The following CNTLN variants were observed in gnomAD, a reference collection of about 807,000 sequenced individuals.
CNTLN encodes the protein centlein.
In CNTLN, 212 loss-of-function variants were observed where a neutral mutation model predicts 180.0. The ratio of observed to expected loss-of-function variants is 1.18; its 90% CI spans 1.05 to 1.32. The LOEUF (loss-of-function observed/expected upper bound fraction) is 1.32. Ranked by LOEUF, CNTLN falls within the 40% of genes most tolerant of loss-of-function variation. The probability of loss-of-function intolerance (pLI) is 0.00; values close to 1 mark genes in which losing one functional copy is unlikely to be tolerated. For missense variants in CNTLN, 2,095 were observed against 1,610.9 expected, an observed-to-expected ratio of 1.30 and a Z score of -5.14; for synonymous variants, 722 against 563.1, an observed-to-expected ratio of 1.28 and a Z score of -3.99.
At chr9:17,520,136 T>A in the CNTLN span, among the ~76,000 whole-genome samples, 3 of 152,236 alleles carry the variant, frequency 2.0e-5, no homozygotes, top group Admixed American at 2.0e-4. Context: ...TCTTTTCCAT[T>A]TGCTTCATTA....
intron 9 of CNTLN, among the ~76,000 whole-genome samples, chr9:17,331,187 C>G (rs954087057): frequency 6.6e-6 from 1 of 151,560 alleles, no homozygotes; most frequent in Non-Finnish European, 1.5e-5. Context: ...AAAAATATAT[C>G]TAATATGTCT....
intron 2 of CNTLN, among the ~76,000 whole-genome samples, chr9:17,198,768 G>C (rs970142864): frequency 5.9e-5 from 9 of 151,572 alleles, no homozygotes; most frequent in African/African-American, 2.2e-4. Flanking sequence ...TTATGAGTGA[G>C]AATGTGTGGT....
At chr9:17,149,003 C>T (rs992732010) in intron 2 of CNTLN, among the ~76,000 whole-genome samples, 2 of 152,048 alleles carry the variant, frequency 1.3e-5, no homozygotes, top group Non-Finnish European at 2.9e-5. Flanking sequence ...GTGTGTGATG[C>T]TCCCCTCCCT....
chr9:17,138,007 G>T (rs1209469757), intron 1 of CNTLN, among the ~76,000 whole-genome samples: 2 of 152,124 alleles, frequency 1.3e-5, no homozygotes, highest in African/African-American at 4.8e-5. Flanking sequence ...TATCTGTATT[G>T]GACTTACTGA....
chr9:17,175,430 T>C (rs905693629), intron 2 of CNTLN, among the ~76,000 whole-genome samples: 1 of 152,172 alleles, frequency 6.6e-6, no homozygotes, highest in East Asian at 1.9e-4. Context: ...CTATTTTGCA[T>C]CTTTGTCTAA....
chr9:17,157,200 A>G (rs1819357880), intron 2 of CNTLN, among the ~76,000 whole-genome samples: 1 of 152,224 alleles, frequency 6.6e-6, no homozygotes. Context: ...CTGAATCCCC[A>G]TTCTTCAGTC....
At chr9:17,270,323 G>C (rs796383510) in intron 5 of CNTLN, among the ~76,000 whole-genome samples, 113 of 152,054 alleles carry the variant, frequency 7.4e-4, no homozygotes, top group African/African-American at 2.6e-3. Flanking sequence ...TTTTTAAATC[G>C]TAAGGTGTTG....
intron 25 of CNTLN, among the ~76,000 whole-genome samples, chr9:17,497,245 T>A (rs926309557): frequency 6.6e-6 from 1 of 152,122 alleles, no homozygotes; most frequent in Non-Finnish European, 1.5e-5. Context: ...AACTCCCAGC[T>A]GCTGAGGAGC....
intron 2 of CNTLN, among the ~76,000 whole-genome samples, chr9:17,146,138 T>C (rs1818444783): frequency 6.6e-6 from 1 of 152,212 alleles, no homozygotes; most frequent in Non-Finnish European, 1.5e-5. Context: ...AAATTTATCC[T>C]TCTTAGCCTT....
At chr9:17,432,956 G>A (rs1344890277) in intron 18 of CNTLN, among the ~76,000 whole-genome samples, 2 of 150,122 alleles carry the variant, frequency 1.3e-5, no homozygotes, top group Non-Finnish European at 3.0e-5. Flanking sequence ...AGGAGGCAGA[G>A]GTTGCAGTGA....
At chr9:17,245,137 G>T (rs962025868) in intron 5 of CNTLN, among the ~76,000 whole-genome samples, 1 of 151,966 alleles carries the variant, frequency 6.6e-6, no homozygotes, top group African/African-American at 2.4e-5. Context: ...TTGCCAGTGA[G>T]CTTTGTTCCT....
chr9:17,508,072 G>A (rs1287138069), downstream of CNTLN, among the ~76,000 whole-genome samples: 1 of 152,108 alleles, frequency 6.6e-6, no homozygotes, highest in African/African-American at 2.4e-5. Flanking sequence ...ACTTCCCTGG[G>A]TTCATGCTCC....
chr9:17,283,236 C>A (rs1040749733), intron 6 of CNTLN, among the ~76,000 whole-genome samples: 1 of 152,080 alleles, frequency 6.6e-6, no homozygotes, highest in Non-Finnish European at 1.5e-5. Flanking sequence ...AATGTTTTTT[C>A]ATTTGTTTTT....
At chr9:17,211,252 C>G (rs570140800) in intron 2 of CNTLN, among the ~76,000 whole-genome samples, 1 of 152,158 alleles carries the variant, frequency 6.6e-6, no homozygotes, top group Admixed American at 6.5e-5. Flanking sequence ...AGGAAGGGAT[C>G]CAGTTTCAGC....
chr9:17,179,112 C>T (rs1361154176), intron 2 of CNTLN, among the ~76,000 whole-genome samples: 8 of 149,206 alleles, frequency 5.4e-5, no homozygotes, highest in Non-Finnish European at 7.5e-5. Flanking sequence ...GGCGTAGTGG[C>T]GGGCGCCTGT....
intron 2 of CNTLN, among the ~76,000 whole-genome samples, chr9:17,179,231 G>A (rs1289649489): frequency 7.6e-5 from 10 of 130,906 alleles, no homozygotes; most frequent in Non-Finnish European, 1.2e-4. Flanking sequence ...GCGACAGAGC[G>A]AGACTCCGTC....
chr9:17,430,977 G>A (rs557795852), intron 18 of CNTLN, among the ~76,000 whole-genome samples: 83 of 152,092 alleles, frequency 5.5e-4, no homozygotes, highest in South Asian at 1.0e-3. Flanking sequence ...GATTGATTCC[G>A]TGTCTTGGCT....
intron 8 of CNTLN, among the ~76,000 whole-genome samples, chr9:17,323,183 A>G (rs1370182415): frequency 6.6e-6 from 1 of 151,978 alleles, no homozygotes; most frequent in African/African-American, 2.4e-5. Context: ...TATCCATGTG[A>G]TGGGCTTTTA....
chr9:17,298,081 A>T (rs1381395405), intron 6 of CNTLN, 109 bp from the exon 7 acceptor site: 5 of 871,456 alleles, frequency 5.7e-6, no homozygotes, highest in Non-Finnish European at 8.1e-6. Context: ...TGCAGTACAA[A>T]TAACAGATGC....
Sources: gnomAD v4.1 joint callset for allele counts (sites outside exome capture counted in the v4.1 genomes callset) on GRCh38, gnomAD v4.1.1 for gene constraint, MANE v1.5 for transcripts, NCBI Gene and HGNC (gene_info 2026-07-23, HGNC 2026-07-21) for gene names.